Variants in CATSPERD observed in about 807,000 individuals in gnomAD.
CATSPERD encodes the protein catsper channel auxiliary subunit delta.
A neutral mutation model predicts 98.1 loss-of-function variants in CATSPERD; 86 were observed. The ratio of observed to expected loss-of-function variants is 0.88; its 90% CI spans 0.74 to 1.05. The LOEUF (loss-of-function observed/expected upper bound fraction) is 1.05. Among genes scored for constraint, CATSPERD ranks in the 50% least tolerant of loss-of-function variants. The pLI, the probability that CATSPERD is intolerant of heterozygous loss-of-function variation, is 0.00. For missense variants in CATSPERD, 995 were observed against 1,005.7 expected (o/e 0.99, Z 0.14); for synonymous variants, 394 against 390.2 (o/e 1.01, Z -0.12).
At chr19:5,774,007 C>G (rs1408052620) in intron 20 of CATSPERD, among the ~76,000 whole-genome samples, 8 of 143,464 alleles carry the variant, frequency 5.6e-5, no homozygotes, top group Non-Finnish European at 1.5e-5. Context: ...TCACTGTGTC[C>G]CCCAGGCTGG....
In CATSPERD at chr19:5,735,774, A is replaced by AT. The variant is rs34107835; in HGVS notation, c.392-1344dup. Among the ~76,000 whole-genome samples the AT allele has an allele frequency of 6.8e-3, 696 of 102,006 alleles. 9 individuals are homozygous for AT. The highest frequency in any genetic ancestry group is 0.023 in the African/African-American group (608 of 26,632). The allele number at this position is 102,006 out of a possible 152,430, so 66.9% of individuals were successfully genotyped here. Reference sequence around the variant, plus strand: ...AGGCGTGAGCCACCATGCCCGGCTAATTTTTTTTTTTTTTTTTTTTGAGAC... The same window carrying AT: ...AGGCGTGAGCCACCATGCCCGGCTAATTTTTTTTTTTTTTTTTTTTTGAGAC... On this transcript the variant is annotated intron_variant, in intron 5 of 21. Transcript: ENST00000381624.
At chr19:5,737,091 A>G (rs932067107) in intron 5 of CATSPERD, 47 bp from the exon 6 acceptor site, 2 of 1,330,904 alleles carry the variant, frequency 1.5e-6, no homozygotes, top group Admixed American at 1.9e-5. Flanking sequence ...CTTTTCTCCA[A>G]ACTTCAGGGA....
intron 7 of CATSPERD, among the ~76,000 whole-genome samples, chr19:5,743,607 A>AAAAAAAAG (rs2056033432): frequency 1.2e-4 from 1 of 8,028 alleles, no homozygotes; most frequent in African/African-American, 2.9e-4. Context: ...TCAAAAAAAG[A>AAAAAAAAG]AAAAAAGAAA....
At chr19:5,734,524 G>A (rs1477321065) in intron 5 of CATSPERD, among the ~76,000 whole-genome samples, 1 of 152,188 alleles carries the variant, frequency 6.6e-6, no homozygotes, top group Admixed American at 6.6e-5. Flanking sequence ...TGTAATCCCA[G>A]CTACTCGGGA....
At chr19:5,722,476 G>C (rs1599497310) in intron 1 of CATSPERD, among the ~76,000 whole-genome samples, 1 of 152,102 alleles carries the variant, frequency 6.6e-6, no homozygotes, top group African/African-American at 2.4e-5. Flanking sequence ...AGACACACTT[G>C]CCTAACAACA....
At chr19:5,746,525 T>A (rs1599546156) in intron 9 of CATSPERD, among the ~76,000 whole-genome samples, 2 of 151,812 alleles carry the variant, frequency 1.3e-5, no homozygotes, top group South Asian at 4.2e-4. Context: ...GCCTCCCGGG[T>A]TCACACCATT....
In CATSPERD at chr19:5,777,078, T is replaced by G. The variant is rs191746852; in HGVS notation, c.2096+763T>G. On this transcript the variant is annotated intron_variant, in intron 21 of 21. Coordinates refer to ENST00000381624, the MANE Select transcript of CATSPERD (RefSeq NM_152784.4). ...ATAAAGCCACATCGAAGCCATGCCATGTGGATCAGTGTGTCCCTTTGGAAG... is the reference window on the plus strand; with the variant it reads ...ATAAAGCCACATCGAAGCCATGCCAGGTGGATCAGTGTGTCCCTTTGGAAG... 3.7e-4 allele frequency among the ~76,000 whole-genome samples: 57 copies of G among 152,130 alleles called. No homozygotes were observed. In the East Asian group the frequency reaches 8.1e-3, roughly 22 times the overall value.
At chr19:5,768,692 G>T (rs115801704) in intron 18 of CATSPERD, among the ~76,000 whole-genome samples, 5 of 152,050 alleles carry the variant, frequency 3.3e-5, no homozygotes, top group Admixed American at 1.3e-4. Context: ...GGAGTGCAGC[G>T]ATGCGATCAT....
intron 17 of CATSPERD, 103 bp from the exon 18 acceptor site, chr19:5,768,065 G>A: frequency 2.0e-6 from 2 of 986,086 alleles, no homozygotes; most frequent in African/African-American, 1.6e-5. Context: ...CCAAAGTGCT[G>A]GGCCTGAGCC....
chr19:5,721,583 C>T (rs1424984319), intron 1 of CATSPERD, among the ~76,000 whole-genome samples: 1 of 152,214 alleles, frequency 6.6e-6, no homozygotes, highest in Non-Finnish European at 1.5e-5. Flanking sequence ...CAGTAGGGAC[C>T]TGTGAGCTGT....
At chr19:5,736,155 G>T (rs895271733) in intron 5 of CATSPERD, among the ~76,000 whole-genome samples, 1 of 151,560 alleles carries the variant, frequency 6.6e-6, no homozygotes, top group East Asian at 2.0e-4. Context: ...CAGGAGATCC[G>T]CCCACCTCTG....
intron 5 of CATSPERD, among the ~76,000 whole-genome samples, chr19:5,736,251 A>ATTTTTGG (rs916361065): frequency 6.6e-6 from 1 of 152,086 alleles, no homozygotes; most frequent in Non-Finnish European, 1.5e-5. Context: ...ACACTTGGCA[A>ATTTTTGG]TGTCTGGAGA....
At chr19:5,740,080 A>C (rs1020448097) in intron 7 of CATSPERD, among the ~76,000 whole-genome samples, 1 of 149,620 alleles carries the variant, frequency 6.7e-6, no homozygotes, top group African/African-American at 2.5e-5. Flanking sequence ...TTGGGAGTTC[A>C]AGACCAGCCT....
At chr19:5,729,829 G>T (rs1425589385) in intron 3 of CATSPERD, 43 bp from the exon 4 acceptor site, 13 of 1,223,724 alleles carry the variant, frequency 1.1e-5, no homozygotes, top group Admixed American at 7.8e-5. Context: ...TTCTTTCCTT[G>T]TGTGACATTA....
chr19:5,736,413 C>T (rs2055846529), intron 5 of CATSPERD, among the ~76,000 whole-genome samples: 1 of 152,284 alleles, frequency 6.6e-6, no homozygotes, highest in East Asian at 1.9e-4. Flanking sequence ...GGCTGAGAAA[C>T]CCTGTTCTGA....
rs2056061605 is a variant in CATSPERD at position 5,744,653 on chromosome 19, T to C, written c.657+143T>C. On this transcript the variant is annotated intron_variant, in intron 8 of 21. Transcript: ENST00000381624. ...TCTCGCTCTGTCAGCCAGGCCGGAGTGCAGTGGCGCAATCTCAGCTCACTG... is the reference window on the plus strand; with the variant it reads ...TCTCGCTCTGTCAGCCAGGCCGGAGCGCAGTGGCGCAATCTCAGCTCACTG... 6.5e-5 allele frequency: 30 copies of C among 460,502 alleles called. No homozygotes were observed. In the South Asian group the frequency reaches 8.3e-4, roughly 13 times the overall value. 28.5% of individuals were successfully genotyped at this position (460,502 alleles called of 1,614,324 possible).
chr19:5,774,161 T>C (rs1305607865), intron 20 of CATSPERD, among the ~76,000 whole-genome samples: 1 of 151,158 alleles, frequency 6.6e-6, no homozygotes, highest in African/African-American at 2.4e-5. Flanking sequence ...AGAGACGGGG[T>C]TTCACCGTGT....
chr19:5,752,689 GA>G (rs988717269), intron 12 of CATSPERD, among the ~76,000 whole-genome samples: 3 of 152,074 alleles, frequency 2.0e-5, no homozygotes, highest in African/African-American at 7.2e-5. Context: ...CAGATTTTGA[GA>G]AATGCTGCGG....
intron 1 of CATSPERD, among the ~76,000 whole-genome samples, chr19:5,722,324 T>G (rs2436506): frequency 0.56 from 84,414 of 151,840 alleles, 24,543 homozygotes; most frequent in Middle Eastern, 0.69. Context: ...GGTTCCACCA[T>G]GTTGCCCAGG....
Sources: gnomAD v4.1 joint callset for allele counts (sites outside exome capture counted in the v4.1 genomes callset) on GRCh38, gnomAD v4.1.1 for gene constraint, MANE v1.5 for transcripts, NCBI Gene and HGNC (gene_info 2026-07-23, HGNC 2026-07-21) for gene names.